SUPT3H: variants seen among roughly 807,000 people sequenced by gnomAD.
The protein encoded by SUPT3H is transcription initiation protein SPT3 homolog.
In SUPT3H, 44 loss-of-function variants were observed where a neutral mutation model predicts 44.3. That is an observed-to-expected ratio of 0.99 (90% CI 0.78 to 1.28). The LOEUF is 1.28. Among genes scored for constraint, SUPT3H ranks in the 50% most tolerant of loss-of-function variants. SUPT3H has a pLI of 0.00. For missense variants in SUPT3H, 380 were observed against 387.1 expected (o/e 0.98, Z 0.15); for synonymous variants, 124 against 125.6 (o/e 0.99, Z 0.09).
At chr6:45,176,158 A>G (rs1811781489) in intron 2 of SUPT3H, among the ~76,000 whole-genome samples, 2 of 151,704 alleles carry the variant, frequency 1.3e-5, no homozygotes. Context: ...TTTCCATCTG[A>G]GGTACTGGGT....
At chr6:45,012,959 T>A (rs1394565061) in intron 5 of SUPT3H, among the ~76,000 whole-genome samples, 2 of 152,076 alleles carry the variant, frequency 1.3e-5, no homozygotes, top group Non-Finnish European at 2.9e-5. Context: ...TGACTGTAGT[T>A]TTAGTCAGGG....
intron 9 of SUPT3H, among the ~76,000 whole-genome samples, chr6:44,934,583 G>A (rs1242743199): frequency 6.6e-6 from 1 of 152,170 alleles, no homozygotes; most frequent in Non-Finnish European, 1.5e-5. Flanking sequence ...ATTAGGATAA[G>A]AAGCCTCTGG....
At chr6:45,275,732 GT>G (rs1425817716) in intron 2 of SUPT3H, among the ~76,000 whole-genome samples, 6 of 152,088 alleles carry the variant, frequency 3.9e-5, no homozygotes, top group African/African-American at 1.4e-4. Context: ...ATTAGGGGAA[GT>G]TGGGTGAAGA....
At chr6:45,128,503 CAAAAAAA>C (rs1168489460) in intron 2 of SUPT3H, among the ~76,000 whole-genome samples, 66 of 12,358 alleles carry the variant, frequency 5.3e-3, no homozygotes, top group South Asian at 0.049. Context: ...GACTCTGTCT[CAAAAAAA>C]AAAAAAAAAA....
intron 3 of SUPT3H, among the ~76,000 whole-genome samples, chr6:45,103,832 G>A (rs1324207922): frequency 6.6e-6 from 1 of 152,072 alleles, no homozygotes; most frequent in African/African-American, 2.4e-5. Flanking sequence ...AATCTTGAGA[G>A]CAGCCAGAAA....
chr6:45,067,532 C>A (rs1429358797), intron 3 of SUPT3H, among the ~76,000 whole-genome samples: 1 of 150,766 alleles, frequency 6.6e-6, no homozygotes, highest in South Asian at 2.1e-4. Context: ...AGGCAACCAA[C>A]AAAATGGGAG....
chr6:44,992,150 T>C (rs559689296), intron 6 of SUPT3H, among the ~76,000 whole-genome samples: 89 of 152,336 alleles, frequency 5.8e-4, no homozygotes, highest in African/African-American at 2.1e-3. Context: ...TTTGCCAAGG[T>C]GTTTTACAAA....
chr6:45,010,396 T>A (rs895291681), intron 5 of SUPT3H, among the ~76,000 whole-genome samples: 2 of 152,168 alleles, frequency 1.3e-5, no homozygotes, highest in African/African-American at 4.8e-5. Context: ...TTAATGGACA[T>A]CTTTGTCTTG....
At chr6:44,888,533 G>A (rs1443614018) in intron 10 of SUPT3H, among the ~76,000 whole-genome samples, 1 of 152,172 alleles carries the variant, frequency 6.6e-6, no homozygotes, top group African/African-American at 2.4e-5. Context: ...TACCTCAATA[G>A]ATGCAGAAAA....
chr6:45,159,149 C>A (rs1808513326), intron 2 of SUPT3H: 1 of 152,192 alleles, frequency 6.6e-6, no homozygotes, highest in Non-Finnish European at 1.5e-5. Context: ...AGCCTCTGCT[C>A]TTCAAGCACA....
At chr6:45,162,488 C>T (rs1809174393) in intron 2 of SUPT3H, among the ~76,000 whole-genome samples, 2 of 152,134 alleles carry the variant, frequency 1.3e-5, no homozygotes, top group Admixed American at 6.6e-5. Flanking sequence ...CATGCCACTG[C>T]ATTCCAGCCT....
At chr6:45,083,194 TA>T (rs1215407403) in intron 3 of SUPT3H, among the ~76,000 whole-genome samples, 16 of 149,460 alleles carry the variant, frequency 1.1e-4, no homozygotes, top group Non-Finnish European at 1.6e-4. Context: ...TTATTATTAT[TA>T]TTATTATTAT....
At chr6:45,125,368 A>AT (rs919241853) in intron 2 of SUPT3H, among the ~76,000 whole-genome samples, 1 of 151,818 alleles carries the variant, frequency 6.6e-6, no homozygotes, top group African/African-American at 2.4e-5. Flanking sequence ...ACTACCAAAC[A>AT]TTTTTTTTCT....
Position 45,014,827 on chromosome 6 carries a change from C to G in SUPT3H, c.338G>C (p.Gly113Ala), listed in dbSNP as rs1784008874. The change falls in exon 5 of 11, where the codon GGC becomes GCC. Residue 113 changes from glycine (G) to alanine (A), a missense_variant. By Grantham distance (60) the Gly-to-Ala change is moderately conservative. Coordinates refer to ENST00000371459, the MANE Select transcript of SUPT3H (RefSeq NM_003599.4). Reference sequence around the variant, plus strand: ...TTCGAGAAGATCATCCTCATCGATGCCTTTGACAATCTTTGATTTGTAGTC... The same window carrying G: ...TTCGAGAAGATCATCCTCATCGATGGCTTTGACAATCTTTGATTTGTAGTC... The part of the protein sequence containing the change: ...IRDYKSKIVK[G>A]IDEDDLLEDK... 6.3e-7 allele frequency: 1 copy of G among 1,590,860 alleles called. No individual in the cohort carries two copies. The highest frequency in any genetic ancestry group is 1.8e-5 in the Admixed American group (1 of 56,516).
chr6:45,328,699 G>T (rs1584935767), intron 2 of SUPT3H: 1 of 1,611,722 alleles, frequency 6.2e-7, no homozygotes, highest in Non-Finnish European at 8.5e-7. Context: ...GAGGGTACAA[G>T]TTCTATCTGA....
intron 2 of SUPT3H, among the ~76,000 whole-genome samples, chr6:45,241,046 G>C (rs754496793): frequency 2.0e-5 from 3 of 152,168 alleles, no homozygotes; most frequent in Non-Finnish European, 2.9e-5. Context: ...CTTGGAAGCT[G>C]GGTGATTTCA....
At position 45,074,828 on chromosome 6, in the gene SUPT3H, T is replaced by G. The variant is rs78942941; in HGVS notation, c.186+31094A>C. On this transcript the variant is annotated intron_variant, in intron 3 of 10. Coordinates refer to ENST00000371459, the MANE Select transcript of SUPT3H (RefSeq NM_003599.4). The stretch of plus-strand genomic sequence containing the variant: ...TGTTAATCTTATGTATACAAATATG[T>G]GTATTTACAGATATTATACATACAC... Among the ~76,000 whole-genome samples, 1,325 of 152,196 alleles carry G rather than the reference T, an allele frequency of 8.7e-3. 29 individuals carry two copies. The highest frequency in any genetic ancestry group is 0.03 in the African/African-American group (1,262 of 41,542).
At position 45,230,684 on chromosome 6, in the gene SUPT3H, A is replaced by T. The variant is rs539620823; in HGVS notation, c.102-124678T>A. Among the ~76,000 whole-genome samples the T allele has an allele frequency of 7.0e-3, 706 of 101,074 alleles. 18 individuals carry two copies. The highest frequency in any genetic ancestry group is 0.023 in the African/African-American group (571 of 25,094). 66.3% of individuals were successfully genotyped at this position (101,074 alleles called of 152,430 possible). A position where few individuals can be genotyped will look rare whatever the true frequency, so the allele number is the denominator to read the frequency against. On this transcript the variant is annotated intron_variant, in intron 2 of 10. Transcript: ENST00000371459. ...AGTCTATATATATATATATATATATATATTTTTGAGATGGAGTCTTGCTCT... is the reference window on the plus strand; with the variant it reads ...AGTCTATATATATATATATATATATTTATTTTTGAGATGGAGTCTTGCTCT...
chr6:45,181,031 C>A (rs555212626), intron 2 of SUPT3H, among the ~76,000 whole-genome samples: 172 of 151,036 alleles, frequency 1.1e-3, no homozygotes, highest in African/African-American at 3.9e-3. Context: ...AGAAAAAAAA[C>A]AACCCCATCA....
Sources: allele counts gnomAD v4.1 joint callset (sites outside exome capture counted in the v4.1 genomes callset), GRCh38; gene constraint gnomAD v4.1.1; transcripts MANE v1.5; gene names NCBI Gene and HGNC (gene_info 2026-07-23, HGNC 2026-07-21).